The following MBP variants were observed in gnomAD, a reference collection of about 807,000 sequenced individuals.
MBP encodes Golli-MBP.
Under a neutral mutation model 35.8 loss-of-function variants are expected in MBP, and 16 were observed. The ratio of observed to expected loss-of-function variants is 0.45; its 90% CI spans 0.30 to 0.68. The LOEUF (loss-of-function observed/expected upper bound fraction) is 0.68. MBP is among the 30% of genes least tolerant of loss of function. MBP has a pLI of 0.08. For synonymous variants in MBP, 143 were observed against 159.6 expected, an observed-to-expected ratio of 0.90 and a Z score of 0.78; for missense variants, 380 against 404.7, an observed-to-expected ratio of 0.94 and a Z score of 0.52.
At chr18:77,061,282 T>G (rs980474080) in intron 3 of MBP, among the ~76,000 whole-genome samples, 2 of 149,006 alleles carry the variant, frequency 1.3e-5, no homozygotes, top group African/African-American at 2.4e-5. Context: ...TGTGACTCTT[T>G]GTCTGTGATA....
chr18:77,013,937 C>T (rs1426281524), intron 4 of MBP: 1 of 985,278 alleles, frequency 1.0e-6, no homozygotes, highest in African/African-American at 1.7e-5. Flanking sequence ...GATATGAGCA[C>T]TGGCACAGAG....
At chr18:77,126,715 A>T (rs939905291) in intron 1 of MBP, among the ~76,000 whole-genome samples, 1 of 152,300 alleles carries the variant, frequency 6.6e-6, no homozygotes, top group East Asian at 1.9e-4. Flanking sequence ...GACACATAAA[A>T]ATTACTCACA....
At chr18:77,076,251 G>C (rs112883322) in intron 2 of MBP, among the ~76,000 whole-genome samples, 33 of 152,336 alleles carry the variant, frequency 2.2e-4, no homozygotes, top group African/African-American at 7.2e-4. Flanking sequence ...AGTGGGGTGG[G>C]TTTGGCACTA....
Position 76,989,256 on chromosome 18 carries a change from C to T in MBP, c.682-344G>A, listed in dbSNP as rs1969755542. On this transcript the variant is annotated intron_variant, in intron 5 of 8. Coordinates refer to ENST00000355994, the MANE Select transcript of MBP (RefSeq NM_001025101.2). The surrounding 1 kb of genome is among the most constrained non-coding windows in gnomAD (Gnocchi z 4.0). ...CTTTCCGGGGCTAGGAGTAGCGGGC[C>T]CTCTGACATTCAGAGCTTCCAAGGG... is the stretch of plus-strand genomic sequence containing the variant. Among the ~76,000 whole-genome samples the T allele has an allele frequency of 6.6e-6, 1 of 152,132 alleles. No homozygotes were observed. Among genetic ancestry groups the T allele is most frequent in the Admixed American group, 6.5e-5 (1 of 15,278 alleles).
At position 77,041,037 on chromosome 18, in the gene MBP, G is replaced by C. The variant is rs191995074; in HGVS notation, c.140-23769C>G. Among the ~76,000 whole-genome samples the C allele has an allele frequency of 2.5e-3, 381 of 151,914 alleles. 7 individuals carry two copies. Among genetic ancestry groups the C allele is most frequent in the East Asian group, 6.8e-3 (35 of 5,170 alleles). ...AGATTTTTGCAATCTACTCATCTGA[G>C]AAAGGGCTAGTATCCAGAATCTACA... is the stretch of plus-strand genomic sequence containing the variant. On this transcript the variant is annotated intron_variant, in intron 3 of 8. Transcript: ENST00000355994.
intron 2 of MBP, among the ~76,000 whole-genome samples, chr18:77,067,189 C>T (rs115772269): frequency 0.014 from 2,131 of 152,336 alleles, 51 homozygotes; most frequent in African/African-American, 0.048. Context: ...CGTGCTGAAA[C>T]CCCGGGGTCT....
chr18:77,043,558 TCTC>T (rs781259469), intron 3 of MBP, among the ~76,000 whole-genome samples: 7 of 148,244 alleles, frequency 4.7e-5, no homozygotes, highest in East Asian at 2.0e-4. Context: ...ACCCTGCCCT[TCTC>T]CTGCTGCGAT....
chr18:76,991,854 C>G (rs1283756951), intron 4 of MBP, among the ~76,000 whole-genome samples: 1 of 152,218 alleles, frequency 6.6e-6, no homozygotes, highest in Non-Finnish European at 1.5e-5. Flanking sequence ...GGGAGGACCC[C>G]TTGTTGTTCA....
At chr18:77,110,361 T>C in intron 1 of MBP, 1 of 152,254 alleles carries the variant, frequency 6.6e-6, no homozygotes, top group Non-Finnish European at 1.5e-5. Context: ...ACACACATTC[T>C]TGGGCCCTGA....
chr18:77,081,084 G>A (rs979635196), intron 2 of MBP, among the ~76,000 whole-genome samples: 3 of 152,186 alleles, frequency 2.0e-5, no homozygotes, highest in Non-Finnish European at 4.4e-5. Context: ...TAATTTGAAA[G>A]AAGGGACAAC....
chr18:77,001,932 A>C (rs1370152691), intron 4 of MBP, among the ~76,000 whole-genome samples: 1 of 152,250 alleles, frequency 6.6e-6, no homozygotes, highest in Non-Finnish European at 1.5e-5. Context: ...TTACTGACAC[A>C]GCCACGTGTT....
At chr18:77,118,034 C>T (rs951614898) in intron 1 of MBP, among the ~76,000 whole-genome samples, 10 of 4,930 alleles carry the variant, frequency 2.0e-3, no homozygotes, top group Non-Finnish European at 2.6e-3. Flanking sequence ...TGGGTTGGGG[C>T]GGGATGGGGA....
rs369933870 is a variant in MBP at position 77,029,375 on chromosome 18, C to T, written c.140-12107G>A. Among the ~76,000 whole-genome samples, 84 of 141,584 alleles carry T rather than the reference C, an allele frequency of 5.9e-4. No individual in the cohort carries two copies. The East Asian group carries it at 0.014, about 23-fold the overall frequency. The allele number at this position is 141,584 out of a possible 152,430, so 92.9% of individuals were successfully genotyped here. A position where few individuals can be genotyped will look rare whatever the true frequency, so the allele number is the denominator to read the frequency against. ...AGATGGCAGCAGTACAGTCCAGCTT[C>T]GGCTCGGCATCAGAGGGAGACCGTG... On this transcript the variant is annotated intron_variant, in intron 3 of 8. Coordinates refer to ENST00000355994, the MANE Select transcript of MBP (RefSeq NM_001025101.2).
At chr18:77,043,712 G>A (rs556824487) in intron 3 of MBP, among the ~76,000 whole-genome samples, 24 of 152,140 alleles carry the variant, frequency 1.6e-4, no homozygotes, top group African/African-American at 4.3e-4. Context: ...ACCCCGTGGC[G>A]GACTGAGTCA....
chr18:77,036,240 G>A (rs1213566694), intron 3 of MBP, among the ~76,000 whole-genome samples: 2 of 120,978 alleles, frequency 1.7e-5, no homozygotes, highest in Admixed American at 7.8e-5. Flanking sequence ...TGGAGACAGA[G>A]CTGAGCAAGT....
intron 4 of MBP, chr18:77,014,568 CAAATAA>C (rs1971524685): frequency 8.1e-6 from 8 of 985,406 alleles, no homozygotes; most frequent in East Asian, 1.1e-4. Flanking sequence ...AACAGAACAA[CAAATAA>C]AAATAAAAAC....
At chr18:77,072,826 C>G (rs991621726) in intron 2 of MBP, among the ~76,000 whole-genome samples, 5 of 152,180 alleles carry the variant, frequency 3.3e-5, no homozygotes, top group African/African-American at 9.7e-5. Flanking sequence ...CCCAGGAGGA[C>G]AGTGGTCCCC....
At chr18:77,003,712 A>G (rs1970758334) in intron 4 of MBP, 1 of 152,208 alleles carries the variant, frequency 6.6e-6, no homozygotes, top group African/African-American at 2.4e-5. Context: ...TCTAGATGAA[A>G]TAGATGCACC....
chr18:76,994,478 A>G (rs1338245578), intron 4 of MBP, among the ~76,000 whole-genome samples: 1 of 152,238 alleles, frequency 6.6e-6, no homozygotes, highest in Non-Finnish European at 1.5e-5. Flanking sequence ...GGATTTTACA[A>G]CTTACCATGC....
Sources: gnomAD v4.1 joint callset for allele counts (sites outside exome capture counted in the v4.1 genomes callset) on GRCh38, gnomAD v4.1.1 for gene constraint, Gnocchi (gnomAD v3.1) non-coding constraint, MANE v1.5 for transcripts, NCBI Gene and HGNC (gene_info 2026-07-23, HGNC 2026-07-21) for gene names.